The following PIP5K1A variants were observed in gnomAD, a reference collection of about 807,000 sequenced individuals.
The protein encoded by PIP5K1A is phosphatidylinositol 4-phosphate 5-kinase type-1 alpha.
Under a neutral mutation model 72.9 loss-of-function variants are expected in PIP5K1A, and 46 were observed. The observed-to-expected ratio is 0.63, with a 90% CI of 0.50 to 0.81. The LOEUF (loss-of-function observed/expected upper bound fraction) is 0.81. Among genes scored for constraint, PIP5K1A ranks in the 30% least tolerant of loss-of-function variants. PIP5K1A has a pLI of 0.00. For synonymous variants in PIP5K1A, 228 were observed against 255.1 expected (o/e 0.89, Z 1.01); for missense variants, 458 against 706.1 (o/e 0.65, Z 3.98).
At position 151,229,734 on chromosome 1, in the gene PIP5K1A, TA is replaced by T. The variant is rs111793845; in HGVS notation, c.238-1926del. Among the ~76,000 whole-genome samples, 39 of 146,004 alleles carry T rather than the reference TA, an allele frequency of 2.7e-4. No homozygotes were observed. In the East Asian group the frequency reaches 3.4e-3, roughly 13 times the overall value. On this transcript the variant is annotated intron_variant, in intron 4 of 15. Coordinates refer to ENST00000368888, the MANE Select transcript of PIP5K1A (RefSeq NM_001135638.2). ...TATTATAACTGGGGAGGCAGGTACT[TA>T]AAAAAAAAAAGAAACTAATAATTTA...
intron 1 of PIP5K1A, among the ~76,000 whole-genome samples, chr1:151,204,520 GC>G (rs1685674835): frequency 6.6e-6 from 1 of 152,200 alleles, no homozygotes; most frequent in African/African-American, 2.4e-5. Flanking sequence ...TACAGTGTAA[GC>G]CATTTGTAGG....
intron 11 of PIP5K1A, 102 bp downstream of exon 11, chr1:151,239,280 T>C (rs1691327009): frequency 6.9e-6 from 5 of 724,532 alleles, no homozygotes; most frequent in African/African-American, 5.5e-5. Context: ...TTTTTTCTTT[T>C]TTTTTTTTTT....
At chr1:151,222,931 A>C (rs1298710457) in intron 1 of PIP5K1A, among the ~76,000 whole-genome samples, 2 of 152,176 alleles carry the variant, frequency 1.3e-5, no homozygotes, top group Non-Finnish European at 2.9e-5. Flanking sequence ...CGTCACACGT[A>C]ATGGCCAGGC....
At chr1:151,198,275 G>T (rs1684726415), upstream of PIP5K1A, among the ~76,000 whole-genome samples, 1 of 152,084 alleles carries the variant, frequency 6.6e-6, no homozygotes, top group Admixed American at 6.5e-5. Flanking sequence ...TTCTTTCCTG[G>T]GTTAGGAATT....
chr1:151,226,110 CAG>C (rs1394221154), intron 3 of PIP5K1A, among the ~76,000 whole-genome samples: 1 of 145,300 alleles, frequency 6.9e-6, no homozygotes, highest in Non-Finnish European at 1.5e-5. Flanking sequence ...TTTTTTGAGA[CAG>C]AGTCTTGCTC....
At chr1:151,245,139 ATTTC>A (rs1171505876) in intron 14 of PIP5K1A, among the ~76,000 whole-genome samples, 1 of 152,018 alleles carries the variant, frequency 6.6e-6, no homozygotes, top group African/African-American at 2.4e-5. Context: ...CCTTCCCATA[ATTTC>A]TTTATCTTCT....
intron 1 of PIP5K1A, among the ~76,000 whole-genome samples, chr1:151,201,898 C>T (rs1201558963): frequency 6.6e-6 from 1 of 152,064 alleles, no homozygotes; most frequent in Non-Finnish European, 1.5e-5. Flanking sequence ...GGCTAAATTT[C>T]AAGCTCTTGA....
At chr1:151,224,496 C>A in intron 3 of PIP5K1A, 90 bp downstream of exon 3, 2 of 942,050 alleles carry the variant, frequency 2.1e-6, no homozygotes, top group South Asian at 1.4e-5. Flanking sequence ...TTTAATGTAC[C>A]AAATGCAATA....
chr1:151,227,888 CA>C (rs1689388206), intron 4 of PIP5K1A, among the ~76,000 whole-genome samples: 1 of 150,982 alleles, frequency 6.6e-6, no homozygotes, highest in African/African-American at 2.4e-5. Flanking sequence ...GACTCCATCT[CA>C]AAAGAAAAAA....
At position 151,242,261 on chromosome 1, in the gene PIP5K1A, T is replaced by C. The variant is rs1488956772; in HGVS notation, c.1502T>C (p.Val501Ala). ...HKAQVTTKAE[V>A]EPGVHLGRPD... is the part of the protein sequence containing the mutation. ...GCACAAGTGACAACAAAGGCAGAAGTGGAGCCAGGTCAGCGCTAGGGCTGG... is the reference window on the plus strand; with the variant it reads ...GCACAAGTGACAACAAAGGCAGAAGCGGAGCCAGGTCAGCGCTAGGGCTGG... Residue 501 changes from valine to alanine, a missense_variant, in exon 13 of 16, where the codon GTG becomes GCG. Physicochemically the swap from Val to Ala is moderately conservative, Grantham distance 64. Coordinates refer to ENST00000368888, the MANE Select transcript of PIP5K1A (RefSeq NM_001135638.2). The C allele has an allele frequency of 6.2e-6, 10 of 1,614,206 alleles. No individual in the cohort carries two copies. The South Asian group carries it at 1.1e-4, about 18-fold the overall frequency.
chr1:151,232,711 A>G lies in PIP5K1A; in HGVS notation c.639+8A>G, dbSNP rs1342104089. On this transcript the variant is annotated splice_region_variant and intron_variant, in intron 7 of 15. Transcript: ENST00000368888. ...CTTCCAGGATACTACATGGTAAGGG[A>G]GAGAGAAGCACTGTCCACCTGTGCT... 2 of 1,612,730 alleles carry G rather than the reference A, an allele frequency of 1.2e-6. No individual in the cohort carries two copies. The highest frequency in any genetic ancestry group is 1.7e-5 in the Admixed American group (1 of 59,626).
intron 5 of PIP5K1A, 116 bp from the exon 6 acceptor site, chr1:151,232,129 TAGG>T: frequency 4.1e-6 from 3 of 735,616 alleles, no homozygotes; most frequent in Non-Finnish European, 7.3e-6. Flanking sequence ...GTGATTATCT[TAGG>T]AGGAATGTAT....
intron 3 of PIP5K1A, 140 bp from the exon 4 acceptor site, chr1:151,227,180 G>A: frequency 1.7e-6 from 1 of 599,978 alleles, no homozygotes; most frequent in East Asian, 2.8e-5. Context: ...ATTTGCATGG[G>A]ATAGATCTGA....
chr1:151,232,124 T>C, intron 5 of PIP5K1A, 124 bp from the exon 6 acceptor site: 1 of 720,846 alleles, frequency 1.4e-6, no homozygotes, highest in Non-Finnish European at 2.5e-6. Context: ...GGGCTGTGAT[T>C]ATCTTAGGAG....
chr1:151,224,226 G>GT lies in PIP5K1A; in HGVS notation c.86-10dup, dbSNP rs371292109. On this transcript the variant is annotated intron_variant, in intron 1 of 15. Transcript: ENST00000368888. ...GAGTGTGTGATACACTCTTATGATT[G>GT]TTTTTTTTTCCCCCCTAGCAGCATC... 5.9e-4 allele frequency: 942 copies of GT among 1,588,236 alleles called. 1 individual carries two copies. Among genetic ancestry groups the GT allele is most frequent in the Non-Finnish European group, 7.1e-4 (818 of 1,158,186 alleles).
intron 1 of PIP5K1A, among the ~76,000 whole-genome samples, chr1:151,214,364 TTTTTTG>T (rs587671699): frequency 0.014 from 2,082 of 152,036 alleles, 52 homozygotes; most frequent in African/African-American, 0.046. Context: ...TTTTTTCTGT[TTTTTTG>T]TTTTTGTTTT....
At chr1:151,226,606 G>A (rs372423768) in intron 3 of PIP5K1A, among the ~76,000 whole-genome samples, 5 of 151,766 alleles carry the variant, frequency 3.3e-5, no homozygotes, top group East Asian at 1.9e-4. Flanking sequence ...TCAGCTACTC[G>A]GGAGGCTGAG....
rs34356281 is a variant in PIP5K1A at position 151,229,167 on chromosome 1, CAAAAAAAAAA to C, written c.237+1784_237+1793del. ...TGGGCAACAGAGCGAGACCCCGTCT[CAAAAAAAAAA>C]AAAAAAAAAAAAAAAACAGGAAAGA... On this transcript the variant is annotated intron_variant, in intron 4 of 15. Transcript: ENST00000368888. Among the ~76,000 whole-genome samples the C allele has an allele frequency of 2.8e-3, 116 of 41,366 alleles. 2 individuals are homozygous for C. Among genetic ancestry groups the C allele is most frequent in the African/African-American group, 9.3e-3 (105 of 11,330 alleles). 27.1% of individuals were successfully genotyped at this position (41,366 alleles called of 152,430 possible). A position where few individuals can be genotyped will look rare whatever the true frequency, so the allele number is the denominator to read the frequency against.
chr1:151,242,688 A>C (rs1691929119), intron 14 of PIP5K1A, 121 bp downstream of exon 14: 1 of 876,070 alleles, frequency 1.1e-6, no homozygotes, highest in Non-Finnish European at 1.8e-6. Context: ...AAAATAACAA[A>C]CATATATCAT....
Sources: gnomAD v4.1 joint callset for allele counts (sites outside exome capture counted in the v4.1 genomes callset) on GRCh38, gnomAD v4.1.1 for gene constraint, MANE v1.5 for transcripts, NCBI Gene and HGNC (gene_info 2026-07-23, HGNC 2026-07-21) for gene names.